Variants in IL2RA observed in about 807,000 individuals in gnomAD.
IL2RA encodes the protein interleukin-2 receptor subunit alpha.
IL2RA carries 24 observed loss-of-function variants against 37.8 expected under a neutral mutation model. That is an observed-to-expected ratio of 0.63 (90% CI 0.46 to 0.89). The LOEUF (loss-of-function observed/expected upper bound fraction) is 0.89. Ranked by LOEUF, IL2RA falls within the 40% of genes least tolerant of loss-of-function variation. The pLI, the probability that IL2RA is intolerant of heterozygous loss-of-function variation, is 0.00. For missense variants in IL2RA, 319 were observed against 348.6 expected (o/e 0.92, Z 0.68); for synonymous variants, 125 against 114.6 (o/e 1.09, Z -0.58).
rs1469880271 is a variant in IL2RA at position 6,018,283 on chromosome 10, TAGG to T, written c.728-167_728-165del. Among the ~76,000 whole-genome samples the T allele has an allele frequency of 6.6e-6, 1 of 151,972 alleles. No individual in the cohort carries two copies. Among genetic ancestry groups the T allele is most frequent in the African/African-American group, 2.4e-5 (1 of 41,362 alleles). On this transcript the variant is annotated intron_variant, in intron 6 of 7. Transcript: ENST00000379959. This position sits in a 1 kb window ranked among gnomAD's most constrained non-coding sequence, Gnocchi z 5.1. Reference sequence around the variant, plus strand: ...GTAGGTCCCTCCCCATGGGATTTCCTAGGAGTCTTGAGGAACAGGGCAGGGAGG... The same window carrying T: ...GTAGGTCCCTCCCCATGGGATTTCCTAGTCTTGAGGAACAGGGCAGGGAGG...
chr10:6,051,817 C>CTATATATTTATATATATATATATATA lies in IL2RA; in HGVS notation c.64+10270_64+10271insTATATATATATATATATAAATATATA, dbSNP rs1403643320. Among the ~76,000 whole-genome samples, 44 of 33,686 alleles carry CTATATATTTATATATATATATATATA rather than the reference C, an allele frequency of 1.3e-3. 1 individual carries two copies. The highest frequency in any genetic ancestry group is 4.0e-3 in the African/African-American group (44 of 10,892). 22.1% of individuals were successfully genotyped at this position (33,686 alleles called of 152,430 possible). A position where few individuals can be genotyped will look rare whatever the true frequency, so the allele number is the denominator to read the frequency against. ...TACAGACGTGAGCCATCATGCCCAG[C>CTATATATTTATATATATATATATATA]TATATATATATATATATATATATAT... On this transcript the variant is annotated intron_variant, in intron 1 of 7. Transcript: ENST00000379959.
At position 6,029,583 on chromosome 10, in the gene IL2RA, G is replaced by A. The variant is rs756898515; in HGVS notation, c.65-3558C>T. 2.0e-4 allele frequency among the ~76,000 whole-genome samples: 31 copies of A among 151,976 alleles called. No homozygotes were observed. The highest frequency in any genetic ancestry group is 3.7e-4 in the Non-Finnish European group (25 of 68,002). ...TGAGTAGTTGCAGTGGAGTAACATC[G>A]CCAGGTAGCCTAAAATATTTACTCT... On this transcript the variant is annotated intron_variant, in intron 1 of 7. Transcript: ENST00000379959. The surrounding 1 kb of genome is among the most constrained non-coding windows in gnomAD (Gnocchi z 4.6).
At chr10:6,051,375 G>A (rs1264184106) in intron 1 of IL2RA, among the ~76,000 whole-genome samples, 2 of 151,960 alleles carry the variant, frequency 1.3e-5, no homozygotes, top group East Asian at 1.9e-4. Flanking sequence ...GACTTCAAAC[G>A]AAACTTTTAG....
At chr10:6,019,152 TAACCCACC>T (rs1018631848) in intron 6 of IL2RA, among the ~76,000 whole-genome samples, 117 of 144,900 alleles carry the variant, frequency 8.1e-4, no homozygotes, top group Admixed American at 3.4e-4. Flanking sequence ...ACTAACCAAC[TAACCCACC>T]AACCTGCCAA....
intron 1 of IL2RA, among the ~76,000 whole-genome samples, chr10:6,038,829 A>T (rs561025607): frequency 2.6e-5 from 4 of 152,362 alleles, no homozygotes; most frequent in African/African-American, 9.6e-5. Context: ...TAAAAATTAC[A>T]TCTAAAATGA....
chr10:6,048,778 C>T lies in IL2RA; in HGVS notation c.64+13310G>A, dbSNP rs901162533. ...AATGCTGTCTCTCCAAAGTACAAGC[C>T]ATGCCCTGACTGAGACCCCTCTGGG... On this transcript the variant is annotated intron_variant, in intron 1 of 7. Transcript: ENST00000379959. The surrounding 1 kb of genome is among the most constrained non-coding windows in gnomAD (Gnocchi z 5.3). Among the ~76,000 whole-genome samples, 1 of 152,198 alleles carries T rather than the reference C, an allele frequency of 6.6e-6. No individual in the cohort carries two copies.
In IL2RA at chr10:6,014,049, T is replaced by A. The variant is rs891977656; in HGVS notation, c.795-1153A>T. ...GGTCTCACTTTGTTGCCCAGGCTGGTCTCAAGCGAGCCTCTCACCTTAGTC... is the reference window on the plus strand; with the variant it reads ...GGTCTCACTTTGTTGCCCAGGCTGGACTCAAGCGAGCCTCTCACCTTAGTC... On this transcript the variant is annotated intron_variant, in intron 7 of 7. Transcript: ENST00000379959. The surrounding 1 kb of genome is among the most constrained non-coding windows in gnomAD (Gnocchi z 4.4). Among the ~76,000 whole-genome samples, 12 of 152,056 alleles carry A rather than the reference T, an allele frequency of 7.9e-5. No individual in the cohort carries two copies. The highest frequency in any genetic ancestry group is 2.9e-4 in the African/African-American group (12 of 41,412).
chr10:6,060,254 C>T (rs1840103112), intron 1 of IL2RA, among the ~76,000 whole-genome samples: 1 of 152,126 alleles, frequency 6.6e-6, no homozygotes, highest in Admixed American at 6.5e-5. Flanking sequence ...ACTCTGAGGA[C>T]TCAGGGGAAA....
chr10:6,037,310 T>C (rs1014979662), intron 1 of IL2RA, among the ~76,000 whole-genome samples: 49 of 152,228 alleles, frequency 3.2e-4, no homozygotes, highest in African/African-American at 9.9e-4. Flanking sequence ...CTGGAGCCCA[T>C]GTGAGCAACA....
rs1839522846 is a variant in IL2RA at position 6,028,709 on chromosome 10, C to T, written c.65-2684G>A. 6.6e-6 allele frequency among the ~76,000 whole-genome samples: 1 copy of T among 152,112 alleles called. No individual in the cohort carries two copies. Among genetic ancestry groups the T allele is most frequent in the Admixed American group, 6.6e-5 (1 of 15,254 alleles). On this transcript the variant is annotated intron_variant, in intron 1 of 7. Coordinates refer to ENST00000379959, the MANE Select transcript of IL2RA (RefSeq NM_000417.3). This position sits in a 1 kb window ranked among gnomAD's most constrained non-coding sequence, Gnocchi z 4.1. ...CAAAAAAGTGCTCAATAGAAACAGACCCGTAAAATTGGGTGTGGTGGCTCA... is the reference window on the plus strand; with the variant it reads ...CAAAAAAGTGCTCAATAGAAACAGATCCGTAAAATTGGGTGTGGTGGCTCA...
Position 6,019,436 on chromosome 10 carries a change from T to C in IL2RA, c.719A>G (p.Gln240Arg). Reference protein sequence around the residue: ...METSIFTTEYQVAVAGCVFLL... With the variant: ...METSIFTTEYRVAVAGCVFLL... ...GCCAGTGCCCCACTCACCTGCTACC[T>C]GGTACTCTGTTGTAAATATGGACGT... The change falls in exon 6 of 8, where the codon CAG becomes CGG. Residue 240 changes from glutamine to arginine, a missense_variant. Transcript: ENST00000379959. The C allele has an allele frequency of 6.2e-7, 1 of 1,611,252 alleles. No individual in the cohort carries two copies. Among genetic ancestry groups the C allele is most frequent in the Non-Finnish European group, 8.5e-7 (1 of 1,177,310 alleles).
intron 1 of IL2RA, among the ~76,000 whole-genome samples, chr10:6,041,287 T>C (rs1255675849): frequency 6.6e-6 from 1 of 152,066 alleles, no homozygotes; most frequent in African/African-American, 2.4e-5. Flanking sequence ...GCTAATTTTT[T>C]TGTATTTTTA....
chr10:6,051,473 C>G (rs964911625), intron 1 of IL2RA, among the ~76,000 whole-genome samples: 1 of 149,736 alleles, frequency 6.7e-6, no homozygotes, highest in Non-Finnish European at 1.5e-5. Context: ...GAGCTCATTT[C>G]ATGAGGAGAA....
chr10:6,028,248 A>G lies in IL2RA; in HGVS notation c.65-2223T>C, dbSNP rs1031789936. Among the ~76,000 whole-genome samples the G allele has an allele frequency of 6.6e-6, 1 of 152,148 alleles. No homozygotes were observed. Among genetic ancestry groups the G allele is most frequent in the African/African-American group, 2.4e-5 (1 of 41,422 alleles). On this transcript the variant is annotated intron_variant, in intron 1 of 7. Transcript: ENST00000379959. The surrounding 1 kb of genome is among the most constrained non-coding windows in gnomAD (Gnocchi z 4.1). ...AGGACACTGCATGAAGGTCGCCCCA[A>G]AATTATGTATAGGGGTCCACCTCAG... is the stretch of plus-strand genomic sequence containing the variant.
chr10:6,049,860 G>A (rs1839920672), intron 1 of IL2RA, among the ~76,000 whole-genome samples: 1 of 152,206 alleles, frequency 6.6e-6, no homozygotes, highest in Admixed American at 6.5e-5. Flanking sequence ...CGCTTTTCTG[G>A]TTGGGAAAAA....
Position 6,029,047 on chromosome 10 carries a change from G to A in IL2RA, c.65-3022C>T, listed in dbSNP as rs1839531750. ...CTAGATTTTGGAATTAGCACAAAAG[G>A]AATTTAAAACAGTTGTAATTACACT... is the stretch of plus-strand genomic sequence containing the variant. On this transcript the variant is annotated intron_variant, in intron 1 of 7. Coordinates refer to ENST00000379959, the MANE Select transcript of IL2RA (RefSeq NM_000417.3). This position sits in a 1 kb window ranked among gnomAD's most constrained non-coding sequence, Gnocchi z 4.6. 1.3e-5 allele frequency among the ~76,000 whole-genome samples: 2 copies of A among 151,304 alleles called. 1 individual carries two copies. Among genetic ancestry groups the A allele is most frequent in the South Asian group, 4.2e-4 (2 of 4,808 alleles).
intron 1 of IL2RA, among the ~76,000 whole-genome samples, chr10:6,055,720 A>T (rs1187939305): frequency 3.1e-5 from 1 of 32,738 alleles, no homozygotes; most frequent in African/African-American, 5.4e-5. Context: ...GCTGTTGGGC[A>T]CACCTCCCAG....
chr10:6,061,173 G>A (rs1050046764), intron 1 of IL2RA, among the ~76,000 whole-genome samples: 2 of 152,096 alleles, frequency 1.3e-5, no homozygotes, highest in African/African-American at 4.8e-5. Flanking sequence ...TGGATCACTT[G>A]AGCCCAGGAG....
At chr10:6,019,040 C>T (rs1429089148) in intron 6 of IL2RA, among the ~76,000 whole-genome samples, 1 of 151,942 alleles carries the variant, frequency 6.6e-6, no homozygotes, top group Non-Finnish European at 1.5e-5. Context: ...ATCAACTTAT[C>T]AACCAACCCA....
Sources: gnomAD v4.1 joint callset for allele counts (sites outside exome capture counted in the v4.1 genomes callset) on GRCh38, gnomAD v4.1.1 for gene constraint, Gnocchi (gnomAD v3.1) non-coding constraint, MANE v1.5 for transcripts, NCBI Gene and HGNC (gene_info 2026-07-23, HGNC 2026-07-21) for gene names.